The following SPATA13 variants were observed in gnomAD, a reference collection of about 807,000 sequenced individuals.
SPATA13 encodes spermatogenesis-associated protein 13.
SPATA13 carries 50 observed loss-of-function variants against 104.0 expected under a neutral mutation model. The observed-to-expected ratio is 0.48, with a 90% confidence interval of 0.38 to 0.61. The LOEUF is 0.61. Among genes scored for constraint, SPATA13 ranks in the 20% least tolerant of loss-of-function variants. The pLI, the probability that SPATA13 is intolerant of heterozygous loss-of-function variation, is 0.00. For missense variants in SPATA13, 1,524 were observed against 1,690.6 expected, an observed-to-expected ratio of 0.90 and a Z score of 1.73; for synonymous variants, 606 against 667.5, an observed-to-expected ratio of 0.91 and a Z score of 1.42.
intron 4 of SPATA13, among the ~76,000 whole-genome samples, chr13:24,264,367 CTG>C (rs1405384595): frequency 6.6e-6 from 1 of 152,218 alleles, no homozygotes; most frequent in Non-Finnish European, 1.5e-5. Flanking sequence ...CAGTAGCACT[CTG>C]TACGTATTCC....
intron 2 of SPATA13, among the ~76,000 whole-genome samples, chr13:24,012,021 C>T (rs1031698936): frequency 1.3e-5 from 2 of 152,242 alleles, no homozygotes; most frequent in Non-Finnish European, 2.9e-5. Context: ...TTGCTGATGA[C>T]TTACTGAGAA....
In SPATA13 at chr13:24,294,685, T is replaced by C. The variant is rs1593511526; in HGVS notation, c.3081-54T>C. 5.4e-5 allele frequency: 82 copies of C among 1,532,696 alleles called. 1 individual carries two copies. The South Asian group carries it at 9.9e-4, about 18-fold the overall frequency. 94.9% of individuals were successfully genotyped at this position (1,532,696 alleles called of 1,614,324 possible). ...GCGCCCCAGTGGATTATTTTGCCAGTCCTCATTTGTAAGGTGCATGTTATG... is the reference window on the plus strand; with the variant it reads ...GCGCCCCAGTGGATTATTTTGCCAGCCCTCATTTGTAAGGTGCATGTTATG... On this transcript the variant is annotated intron_variant, in intron 9 of 12. Transcript: ENST00000382108.
rs1877379056 is a variant in SPATA13 at position 24,303,723 on chromosome 13, T to A, written c.*950T>A. 6.6e-6 allele frequency: 1 copy of A among 152,472 alleles called. No individual in the cohort carries two copies. Among genetic ancestry groups the A allele is most frequent in the South Asian group, 2.1e-4 (1 of 4,854 alleles). 9.4% of individuals were successfully genotyped at this position (152,472 alleles called of 1,614,324 possible). A position where few individuals can be genotyped will look rare whatever the true frequency, so the allele number is the denominator to read the frequency against. On this transcript the variant is annotated 3_prime_UTR_variant, in exon 13 of 13. Coordinates refer to ENST00000382108, the MANE Select transcript of SPATA13 (RefSeq NM_001166271.3). ...GAGTTCGAGACAAGCGTGGCCAATA[T>A]GGCAAAGCCCAGTCTCTACTAATAA...
intron 3 of SPATA13, among the ~76,000 whole-genome samples, chr13:24,058,947 C>G (rs924998685): frequency 1.4e-5 from 2 of 145,328 alleles, no homozygotes; most frequent in African/African-American, 4.9e-5. Flanking sequence ...AGGACAAGAG[C>G]CATGGTCTGT....
At chr13:24,025,853 G>A (rs1223492890) in intron 3 of SPATA13, among the ~76,000 whole-genome samples, 2 of 147,350 alleles carry the variant, frequency 1.4e-5, no homozygotes, top group East Asian at 2.0e-4. Context: ...TCTATCGCCT[G>A]GGCTGGAGTG....
Position 24,249,689 on chromosome 13 carries a change from C to A in SPATA13, c.1866C>A (p.Pro622=). The change falls in exon 3 of 13, where the codon CCC becomes CCA. Residue 622 remains proline (P), a synonymous_variant. Transcript: ENST00000382108. ...PQKEDRVDED[P]QASMTSASPE... ...AGGAAGACCGTGTGGACGAGGACCC[C>A]CAGGCAAGCATGACTTCTGCCAGCC... 1 of 1,614,172 alleles carries A rather than the reference C, an allele frequency of 6.2e-7. No homozygotes were observed. Among genetic ancestry groups the A allele is most frequent in the Non-Finnish European group, 8.5e-7 (1 of 1,180,014 alleles).
In SPATA13 at chr13:24,189,886, A is replaced by AT. The variant is rs1869480986; in HGVS notation, c.-112+28954_-112+28955insT. The stretch of plus-strand genomic sequence containing the variant: ...CATATATAATATAATTATATATCAT[A>AT]ATATATATTATATAATTATATTACA... On this transcript the variant is annotated intron_variant, in intron 1 of 12. Coordinates refer to ENST00000382108, the MANE Select transcript of SPATA13 (RefSeq NM_001166271.3). Among the ~76,000 whole-genome samples, 10 of 33,488 alleles carry AT rather than the reference A, an allele frequency of 3.0e-4. 2 individuals carry two copies. The highest frequency in any genetic ancestry group is 9.1e-4 in the East Asian group (1 of 1,094). 22.0% of individuals were successfully genotyped at this position (33,488 alleles called of 152,430 possible). A position where few individuals can be genotyped will look rare whatever the true frequency, so the allele number is the denominator to read the frequency against.
intron 3 of SPATA13, among the ~76,000 whole-genome samples, chr13:24,025,725 G>A (rs994705303): frequency 2.6e-5 from 4 of 152,082 alleles, no homozygotes; most frequent in African/African-American, 9.7e-5. Context: ...AAGAATTTGA[G>A]CATCTTTTCA....
intron 3 of SPATA13, among the ~76,000 whole-genome samples, chr13:24,127,340 C>A (rs1219634142): frequency 6.6e-6 from 1 of 152,226 alleles, no homozygotes; most frequent in Non-Finnish European, 1.5e-5. Flanking sequence ...AGCCATCCCA[C>A]AATGACACCA....
Position 24,108,474 on chromosome 13 carries a change from A to G in SPATA13, c.-112+90773A>G, listed in dbSNP as rs193265828. On this transcript the variant is annotated intron_variant, in intron 3 of 14. Coordinates refer to the SPATA13 transcript ENST00000424834. ...GGGCTTTGAGGAGTGCAGCCCTAGGATGGGAGCCTGCCTGGGACTCTTGTG... is the reference window on the plus strand; with the variant it reads ...GGGCTTTGAGGAGTGCAGCCCTAGGGTGGGAGCCTGCCTGGGACTCTTGTG... 5.1e-3 allele frequency among the ~76,000 whole-genome samples: 779 copies of G among 152,196 alleles called. 6 individuals carry two copies. The highest frequency in any genetic ancestry group is 0.018 in the African/African-American group (746 of 41,522).
At chr13:24,231,703 A>G (rs1566163866) in intron 2 of SPATA13, among the ~76,000 whole-genome samples, 1 of 152,202 alleles carries the variant, frequency 6.6e-6, no homozygotes, top group African/African-American at 2.4e-5. Flanking sequence ...TGGCTGTACC[A>G]TTTTAGATTC....
intron 3 of SPATA13, among the ~76,000 whole-genome samples, chr13:24,028,428 C>G (rs12430286): frequency 6.6e-6 from 1 of 152,008 alleles, no homozygotes; most frequent in African/African-American, 2.4e-5. Flanking sequence ...TTAGTTTCTC[C>G]TAGTACTTTA....
chr13:24,134,726 C>T (rs1009269509), intron 3 of SPATA13, among the ~76,000 whole-genome samples: 17 of 152,166 alleles, frequency 1.1e-4, no homozygotes, highest in African/African-American at 4.1e-4. Context: ...CAACATTGCT[C>T]CCTGAGCCTA....
intron 2 of SPATA13, among the ~76,000 whole-genome samples, chr13:24,016,423 T>G (rs1236743757): frequency 1.3e-5 from 2 of 152,232 alleles, no homozygotes; most frequent in Admixed American, 1.3e-4. Context: ...TTAATTGACT[T>G]CTCACGTTTC....
chr13:24,195,230 T>C (rs971857337), intron 1 of SPATA13, among the ~76,000 whole-genome samples: 1 of 151,520 alleles, frequency 6.6e-6, no homozygotes, highest in African/African-American at 2.5e-5. Flanking sequence ...GACTGGCTTC[T>C]TTTACTTAGA....
chr13:24,271,048 C>A (rs1874574960), intron 4 of SPATA13: 1 of 698,726 alleles, frequency 1.4e-6, no homozygotes, highest in East Asian at 2.7e-5. Flanking sequence ...CTCACTCTCT[C>A]TCTCTCTCTC....
chr13:24,286,845 C>G lies in SPATA13; in HGVS notation c.2562C>G (p.Ser854Arg). Residue 854 changes from serine to arginine, a missense_variant, in exon 7 of 13, where the codon AGC becomes AGG. Physicochemically the swap from Ser to Arg is moderately radical, Grantham distance 110. Transcript: ENST00000382108. This position sits in a 1 kb window ranked among gnomAD's most constrained non-coding sequence, Gnocchi z 4.9. ...SEEQDEEASQSRHRHCENKQQ... is the reference protein window; with the variant it reads ...SEEQDEEASQRRHRHCENKQQ... ...AGCAGGACGAGGAGGCCAGCCAGAGCCGCCACAGACACTGTGAGAACAAGC... is the reference window on the plus strand; with the variant it reads ...AGCAGGACGAGGAGGCCAGCCAGAGGCGCCACAGACACTGTGAGAACAAGC... 6.2e-7 allele frequency: 1 copy of G among 1,613,754 alleles called. No homozygotes were observed. Among genetic ancestry groups the G allele is most frequent in the South Asian group, 1.1e-5 (1 of 91,082 alleles).
chr13:24,014,396 T>C (rs1329157552), intron 2 of SPATA13, among the ~76,000 whole-genome samples: 1 of 152,144 alleles, frequency 6.6e-6, no homozygotes, highest in East Asian at 1.9e-4. Flanking sequence ...AAAACCTGCA[T>C]GTAACCTTTG....
chr13:24,180,273 T>C (rs1356605647), intron 1 of SPATA13, among the ~76,000 whole-genome samples: 1 of 152,200 alleles, frequency 6.6e-6, no homozygotes, highest in African/African-American at 2.4e-5. Flanking sequence ...TGAATGGTCT[T>C]AGTATTCTTG....
Sources: allele counts gnomAD v4.1 joint callset (sites outside exome capture counted in the v4.1 genomes callset), GRCh38; gene constraint gnomAD v4.1.1; non-coding constraint Gnocchi (gnomAD v3.1); transcripts MANE v1.5; gene names NCBI Gene and HGNC (gene_info 2026-07-23, HGNC 2026-07-21).